The following SIRT3 variants were observed in gnomAD, a reference collection of about 807,000 sequenced individuals.
SIRT3 encodes sirtuin 3.
A neutral mutation model predicts 33.5 loss-of-function variants in SIRT3; 26 were observed. That is an observed-to-expected ratio of 0.78 (90% CI 0.57 to 1.08). SIRT3 has a LOEUF of 1.08. Ranked by LOEUF, SIRT3 falls within the 50% of genes least tolerant of loss-of-function variation. The pLI is 0.00. For synonymous variants in SIRT3, 237 were observed against 222.1 expected, an observed-to-expected ratio of 1.07 and a Z score of -0.60; for missense variants, 585 against 530.1, an observed-to-expected ratio of 1.10 and a Z score of -1.02.
intron 3 of SIRT3, chr11:230,754 T>C (rs1450851612): frequency 2.6e-6 from 1 of 384,634 alleles, no homozygotes; most frequent in African/African-American, 2.1e-5. Flanking sequence ...AAGGGGCACC[T>C]AGCTGGAGCC....
At chr11:229,364 G>A (rs1564811517) in intron 4 of SIRT3, among the ~76,000 whole-genome samples, 1 of 152,142 alleles carries the variant, frequency 6.6e-6, no homozygotes, top group Non-Finnish European at 1.5e-5. Context: ...AGAATCGCTT[G>A]AACCCAGGAG....
At chr11:228,275 T>C (rs1431286581) in intron 4 of SIRT3, among the ~76,000 whole-genome samples, 1 of 152,236 alleles carries the variant, frequency 6.6e-6, no homozygotes, top group Non-Finnish European at 1.5e-5. Context: ...GACTAAACTA[T>C]TTGTTGAATA....
Position 236,064 on chromosome 11 carries a change from T to A in SIRT3, c.265A>T (p.Ser89Cys), listed in dbSNP as rs1411558954. ...FRRQPRAAAP[S>C]FFFSSIKGGR... ...CCAAAATACCTCGAAAAGAAGAAAC[T>A]GGGAGCTGCTGCCCTCGGCTGCCTC... The change falls in exon 1 of 7, where the codon AGT (serine) becomes TGT (cysteine). Residue 89 changes from serine (S) to cysteine (C), a missense_variant. Physicochemically the swap from Ser to Cys is moderately radical, Grantham distance 112. Transcript: ENST00000382743. The A allele has an allele frequency of 1.3e-6, 2 of 1,529,614 alleles. No homozygotes were observed. Among genetic ancestry groups the A allele is most frequent in the Admixed American group, 4.3e-5 (2 of 46,042 alleles). The allele number at this position is 1,529,614 out of a possible 1,614,324, so 94.8% of individuals were successfully genotyped here.
intron 1 of SIRT3, among the ~76,000 whole-genome samples, chr11:235,658 A>G (rs59082739): frequency 0.025 from 3,772 of 152,316 alleles, 147 homozygotes; most frequent in African/African-American, 0.086. Flanking sequence ...AGATGCAATT[A>G]CTATGGAGAC....
chr11:224,475 T>C (rs1027430538), intron 4 of SIRT3, among the ~76,000 whole-genome samples: 4 of 152,168 alleles, frequency 2.6e-5, no homozygotes, highest in African/African-American at 7.2e-5. Context: ...TTGGACATCA[T>C]ATGTTTCACC....
At chr11:235,959 TG>T in intron 1 of SIRT3, 88 bp downstream of exon 1, 1 of 1,370,376 alleles carries the variant, frequency 7.3e-7, no homozygotes, top group Non-Finnish European at 9.5e-7. Context: ...CTCCCAGACA[TG>T]CCGCAAAGGA....
intron 1 of SIRT3, among the ~76,000 whole-genome samples, chr11:234,830 G>A (rs1171240311): frequency 1.3e-5 from 2 of 152,136 alleles, no homozygotes; most frequent in African/African-American, 4.8e-5. Flanking sequence ...GTCTGGCACA[G>A]AATAAGAGCT....
At chr11:230,816 A>G (rs1590194652) in intron 3 of SIRT3, 2 of 303,686 alleles carry the variant, frequency 6.6e-6, no homozygotes, top group Non-Finnish European at 1.2e-5. Flanking sequence ...AAACCATTTG[A>G]TAAAAGCTCA....
At position 215,385 on chromosome 11, in the gene SIRT3, A is replaced by C. The variant is rs947609239; in HGVS notation, c.*1313T>G. ...GATCATAACACCGCACTCCACCCTG[A>C]GTGACAGGGCAAGACTCAAAAAATA... On this transcript the variant is annotated 3_prime_UTR_variant, in exon 7 of 7. Transcript: ENST00000382743. 1.3e-5 allele frequency: 2 copies of C among 152,226 alleles called. No homozygotes were observed. Among genetic ancestry groups the C allele is most frequent in the African/African-American group, 4.8e-5 (2 of 41,466 alleles). The allele number at this position is 152,226 out of a possible 1,614,324, so 9.4% of individuals were successfully genotyped here. A position where few individuals can be genotyped will look rare whatever the true frequency, so the allele number is the denominator to read the frequency against.
chr11:230,508 A>G lies in SIRT3; in HGVS notation c.751T>C (p.Phe251Leu). The change falls in exon 4 of 7, where the codon TTT becomes CTT. Residue 251 changes from phenylalanine (F) to leucine (L), a missense_variant. By Grantham distance (22) the Phe-to-Leu change is conservative. Transcript: ENST00000382743. ...ASKLVEAHGT[F>L]ASATCTVCQR... ...CAGACTGTGCAGGTGGCAGAGGCAAAGGTTCCATGAGCTTCAACCAGCTTT... is the reference window on the plus strand; with the variant it reads ...CAGACTGTGCAGGTGGCAGAGGCAAGGGTTCCATGAGCTTCAACCAGCTTT... The G allele has an allele frequency of 6.5e-7, 1 of 1,537,066 alleles. No homozygotes were observed. The highest frequency in any genetic ancestry group is 8.8e-7 in the Non-Finnish European group (1 of 1,141,664).
At chr11:235,949 C>T (rs1396732799) in intron 1 of SIRT3, 99 bp downstream of exon 1, 2 of 1,341,964 alleles carry the variant, frequency 1.5e-6, no homozygotes, top group African/African-American at 3.0e-5. Flanking sequence ...CGCACGTAAA[C>T]TCCCAGACAT....
chr11:236,399 ACCCCCGCCC>A (rs1423768256), upstream of SIRT3: 10 of 184,100 alleles, frequency 5.4e-5, no homozygotes, highest in Admixed American at 3.0e-3. Flanking sequence ...TCCGCCTCCC[ACCCCCGCCC>A]CCGGCGCCCC....
chr11:229,744 G>C (rs1857658670), intron 4 of SIRT3, among the ~76,000 whole-genome samples: 1 of 152,176 alleles, frequency 6.6e-6, no homozygotes, highest in African/African-American at 2.4e-5. Context: ...GGGTGACAGT[G>C]TAAGACTGTG....
At position 223,387 on chromosome 11, in the gene SIRT3, C is replaced by T. The variant is rs187337427; in HGVS notation, c.969+691G>A. The T allele has an allele frequency of 9.9e-5, 23 of 232,296 alleles. No individual in the cohort carries two copies. The highest frequency in any genetic ancestry group is 4.9e-4 in the African/African-American group (22 of 44,746). 14.4% of individuals were successfully genotyped at this position (232,296 alleles called of 1,614,324 possible). A position where few individuals can be genotyped will look rare whatever the true frequency, so the allele number is the denominator to read the frequency against. ...CACGTCCCCAAAACATCACAGACTG[C>T]GAGTCCAGTCCCCCTCCTCGCCATC... On this transcript the variant is annotated intron_variant, in intron 5 of 6. Transcript: ENST00000382743. This position sits in a 1 kb window ranked among gnomAD's most constrained non-coding sequence, Gnocchi z 4.8.
intron 3 of SIRT3, 105 bp from the exon 4 acceptor site, chr11:230,657 G>A: frequency 3.1e-6 from 2 of 637,490 alleles, no homozygotes; most frequent in South Asian, 3.4e-5. Context: ...AGGAGGCACA[G>A]CCCCTTGGGG....
chr11:234,944 C>G (rs1235982048), intron 1 of SIRT3, among the ~76,000 whole-genome samples: 1 of 151,842 alleles, frequency 6.6e-6, no homozygotes, highest in African/African-American at 2.4e-5. Flanking sequence ...ATGGTGCCAT[C>G]TCGGCTCACT....
At chr11:231,160 T>C (rs2133919570) in intron 3 of SIRT3, among the ~76,000 whole-genome samples, 1 of 151,228 alleles carries the variant, frequency 6.6e-6, no homozygotes, top group Middle Eastern at 3.4e-3. Context: ...AATACCAGGC[T>C]GGGTGCAGTG....
At chr11:236,678 A>G, upstream of SIRT3, 2 of 307,892 alleles carry the variant, frequency 6.5e-6, no homozygotes, top group South Asian at 6.1e-5. Context: ...ATGGTCAGGC[A>G]TTATATTTAC....
chr11:227,752 G>A (rs930978348), intron 4 of SIRT3, among the ~76,000 whole-genome samples: 1 of 152,056 alleles, frequency 6.6e-6, no homozygotes, highest in African/African-American at 2.4e-5. Flanking sequence ...AGCCTCCTGA[G>A]TAGCTGGGAT....
Sources: gnomAD v4.1 joint callset for allele counts (sites outside exome capture counted in the v4.1 genomes callset) on GRCh38, gnomAD v4.1.1 for gene constraint, Gnocchi (gnomAD v3.1) non-coding constraint, MANE v1.5 for transcripts, NCBI Gene and HGNC (gene_info 2026-07-23, HGNC 2026-07-21) for gene names.